The following PTPRK variants were observed in gnomAD, a reference collection of about 807,000 sequenced individuals.
PTPRK encodes receptor-type tyrosine-protein phosphatase kappa.
Under a neutral mutation model 178.0 loss-of-function variants are expected in PTPRK, and 75 were observed. The ratio of observed to expected loss-of-function variants is 0.42; its 90% CI spans 0.35 to 0.51. The LOEUF is 0.51. Among genes scored for constraint, PTPRK ranks in the 20% least tolerant of loss-of-function variants. PTPRK has a pLI of 0.02. For missense variants in PTPRK, 1,441 were observed against 1,797.8 expected (o/e 0.80, Z 3.59); for synonymous variants, 637 against 620.6 (o/e 1.03, Z -0.39).
intron 3 of PTPRK, among the ~76,000 whole-genome samples, chr6:128,317,805 G>A (rs560655756): frequency 6.6e-6 from 1 of 152,168 alleles, no homozygotes; most frequent in South Asian, 2.1e-4. Context: ...ATCTTTCCCA[G>A]AAGTTTCCTG....
In PTPRK at chr6:128,129,034, C is replaced by T. The variant is rs372667362; in HGVS notation, c.1163-39042G>A. On this transcript the variant is annotated intron_variant, in intron 7 of 29. Transcript: ENST00000368226. ...TTGATTTCATCAGGACATATTTCCA[C>T]TAATTGCACATACTGCTTATGTGAA... Among the ~76,000 whole-genome samples, 65 of 152,306 alleles carry T rather than the reference C, an allele frequency of 4.3e-4. 1 individual carries two copies. The South Asian group carries it at 0.013, about 31-fold the overall frequency.
chr6:127,980,408 C>T lies in PTPRK; in HGVS notation c.3711+708G>A, dbSNP rs986380576. On this transcript the variant is annotated intron_variant, in intron 25 of 29. Coordinates refer to ENST00000368226, the MANE Select transcript of PTPRK (RefSeq NM_002844.4). ...TCAAGAGTCTGAGGCAGGAGAATTG[C>T]TTGAACCTGGGAGGCGGAGGTTGCA... Among the ~76,000 whole-genome samples the T allele has an allele frequency of 5.9e-5, 9 of 152,046 alleles. 2 individuals are homozygous for T. The highest frequency in any genetic ancestry group is 5.9e-4 in the Admixed American group (9 of 15,264).
intron 13 of PTPRK, among the ~76,000 whole-genome samples, chr6:128,023,037 A>T (rs1452972662): frequency 6.6e-6 from 1 of 152,178 alleles, no homozygotes; most frequent in African/African-American, 2.4e-5. Flanking sequence ...CTGCTTTAAA[A>T]ATACTGAACA....
intron 3 of PTPRK, among the ~76,000 whole-genome samples, chr6:128,273,642 G>C (rs73596651): frequency 0.044 from 6,760 of 152,152 alleles, 496 homozygotes; most frequent in African/African-American, 0.15. Context: ...AACTCCAGAC[G>C]AAAACGTGTA....
chr6:128,515,827 G>C (rs887617895), intron 1 of PTPRK, among the ~76,000 whole-genome samples: 1 of 152,090 alleles, frequency 6.6e-6, no homozygotes, highest in Non-Finnish European at 1.5e-5. Flanking sequence ...AAGCAAGTAG[G>C]GGAAATGGGA....
At chr6:128,483,194 CT>C (rs1280545794) in intron 1 of PTPRK, among the ~76,000 whole-genome samples, 2 of 152,102 alleles carry the variant, frequency 1.3e-5, no homozygotes, top group Non-Finnish European at 2.9e-5. Flanking sequence ...TTTTCTACAA[CT>C]TTTTTTATCC....
chr6:128,437,957 C>T (rs991750654), intron 1 of PTPRK, among the ~76,000 whole-genome samples: 15 of 152,210 alleles, frequency 9.9e-5, no homozygotes, highest in Non-Finnish European at 1.8e-4. Flanking sequence ...TACCCAAATC[C>T]GTGCATACTA....
chr6:128,254,151 A>C (rs1816912303), intron 3 of PTPRK, among the ~76,000 whole-genome samples: 1 of 152,214 alleles, frequency 6.6e-6, no homozygotes, highest in Non-Finnish European at 1.5e-5. Flanking sequence ...AGGTTTTGAC[A>C]TAAAGTTTGT....
chr6:128,296,520 G>C (rs549244449), intron 3 of PTPRK, among the ~76,000 whole-genome samples: 1 of 152,312 alleles, frequency 6.6e-6, no homozygotes, highest in East Asian at 1.9e-4. Flanking sequence ...ACTAACAGCG[G>C]ATCTCTTGGC....
chr6:128,020,316 T>C (rs990002399), intron 13 of PTPRK, among the ~76,000 whole-genome samples: 21 of 152,294 alleles, frequency 1.4e-4, no homozygotes, highest in African/African-American at 4.8e-4. Context: ...GAATTATATA[T>C]TTAAACATAG....
chr6:128,394,344 C>T (rs1010470955), intron 2 of PTPRK, among the ~76,000 whole-genome samples: 4 of 152,124 alleles, frequency 2.6e-5, no homozygotes, highest in Non-Finnish European at 5.9e-5. Context: ...TTGCACATGT[C>T]TTTTGGTGAA....
At chr6:128,097,175 A>G (rs2115044177) in intron 7 of PTPRK, among the ~76,000 whole-genome samples, 1 of 152,174 alleles carries the variant, frequency 6.6e-6, no homozygotes, top group East Asian at 1.9e-4. Context: ...AATAATCACA[A>G]GCCAACTGTC....
chr6:128,251,033 T>C (rs1816377412), intron 3 of PTPRK, among the ~76,000 whole-genome samples: 1 of 152,206 alleles, frequency 6.6e-6, no homozygotes, highest in African/African-American at 2.4e-5. Context: ...ACTCATGTAA[T>C]AGTCCACTTC....
At chr6:128,341,454 A>G (rs921618774) in intron 2 of PTPRK, among the ~76,000 whole-genome samples, 3 of 152,224 alleles carry the variant, frequency 2.0e-5, no homozygotes, top group African/African-American at 7.2e-5. Flanking sequence ...TTAAGAAAAG[A>G]CTAAGTCCAA....
chr6:128,146,719 TG>T (rs1437819038), intron 7 of PTPRK, among the ~76,000 whole-genome samples: 1 of 152,072 alleles, frequency 6.6e-6, no homozygotes, highest in Non-Finnish European at 1.5e-5. Flanking sequence ...TGAGCCACCG[TG>T]CCCAGCCTAC....
chr6:128,071,838 A>G (rs77387360), intron 11 of PTPRK, among the ~76,000 whole-genome samples: 2,745 of 152,170 alleles, frequency 0.018, 90 homozygotes, highest in African/African-American at 0.063. Flanking sequence ...TCATTGTTCA[A>G]TCTGAAAGGC....
rs1351573892 is a variant in PTPRK at position 128,139,341 on chromosome 6, C to T, written c.1162+45091G>A. ...GTCCATCTGTGAAGTGATGAGAGCC[C>T]GATAGGTAAAAGCTATCTCAGACAT... is the stretch of plus-strand genomic sequence containing the variant. On this transcript the variant is annotated intron_variant, in intron 7 of 29. Transcript: ENST00000368226. Among the ~76,000 whole-genome samples, 3 of 151,936 alleles carry T rather than the reference C, an allele frequency of 2.0e-5. No homozygotes were observed. The East Asian group carries it at 5.8e-4, about 29-fold the overall frequency.
intron 13 of PTPRK, among the ~76,000 whole-genome samples, chr6:128,026,908 G>T (rs1257177167): frequency 1.3e-5 from 2 of 152,104 alleles, no homozygotes; most frequent in African/African-American, 4.8e-5. Context: ...GCTGAGGGAG[G>T]TGTGTGACAC....
Position 128,193,846 on chromosome 6 carries a change from T to G in PTPRK, c.869-9121A>C, listed in dbSNP as rs9398864. On this transcript the variant is annotated intron_variant, in intron 6 of 29. Coordinates refer to ENST00000368226, the MANE Select transcript of PTPRK (RefSeq NM_002844.4). ...AAAGGCACAGCTGCAGCATACTGTT[T>G]TAGATGTCAGCAGAAACTAAAACAA... is the stretch of plus-strand genomic sequence containing the variant. 0.027 allele frequency among the ~76,000 whole-genome samples: 4,094 copies of G among 152,084 alleles called. 292 individuals are homozygous for G. In the East Asian group the frequency reaches 0.3, roughly 11 times the overall value.
Sources: allele counts gnomAD v4.1 joint callset (sites outside exome capture counted in the v4.1 genomes callset), GRCh38; gene constraint gnomAD v4.1.1; transcripts MANE v1.5; gene names NCBI Gene and HGNC (gene_info 2026-07-23, HGNC 2026-07-21).